The following PDK1 variants were observed in gnomAD, a reference collection of about 807,000 sequenced individuals.
PDK1 encodes the protein [Pyruvate dehydrogenase (acetyl-transferring)] kinase isozyme 1, mitochondrial.
In PDK1, 39 loss-of-function variants were observed where a neutral mutation model predicts 54.2. The observed-to-expected ratio is 0.72, with a 90% CI of 0.56 to 0.94. The LOEUF is 0.94. PDK1 is among the 40% of genes least tolerant of loss of function. The pLI is 0.00. For synonymous variants in PDK1, 221 were observed against 207.1 expected (o/e 1.07, Z -0.58); for missense variants, 552 against 566.0 (o/e 0.98, Z 0.25).
rs1691092210 is a variant in PDK1, at chr2:172,600,859, T to C, written c.*4890T>C. The C allele has an allele frequency of 1.3e-5, 2 of 152,222 alleles. No individual in the cohort carries two copies. Among genetic ancestry groups the C allele is most frequent in the South Asian group, 2.1e-4 (1 of 4,818 alleles). 9.4% of individuals were successfully genotyped at this position (152,222 alleles called of 1,614,324 possible). A position where few individuals can be genotyped will look rare whatever the true frequency, so the allele number is the denominator to read the frequency against. On this transcript the variant is annotated 3_prime_UTR_variant, in exon 11 of 11. Transcript: ENST00000282077. Reference sequence around the variant, plus strand: ...TTCTATGTTGTCTTCGTCCAGCTTATCTGGAAGGGAGAGTTTCTCTGTCTG... The same window carrying C: ...TTCTATGTTGTCTTCGTCCAGCTTACCTGGAAGGGAGAGTTTCTCTGTCTG...
chr2:172,595,821 T>A lies in PDK1; in HGVS notation c.1171-8T>A. 6.2e-7 allele frequency: 1 copy of A among 1,612,800 alleles called. No individual in the cohort carries two copies. The highest frequency in any genetic ancestry group is 8.5e-7 in the Non-Finnish European group (1 of 1,179,102). On this transcript the variant is annotated splice_region_variant and splice_polypyrimidine_tract_variant and intron_variant, in intron 10 of 10. Transcript: ENST00000282077. ...AGACTTAATAGGTCTTAGGTTTTTC[T>A]TTTTCAGGCTCTGTCAACAGACTCA...
At chr2:172,630,736 T>G in the PDK1 span, among the ~76,000 whole-genome samples, 1 of 152,134 alleles carries the variant, frequency 6.6e-6, no homozygotes, top group East Asian at 1.9e-4. Context: ...TTCAAGCAAT[T>G]CTTGTGCCTC....
rs1208375573 is a variant in PDK1, at chr2:172,586,451, C to T, written c.1056+63C>T. 16 of 979,610 alleles carry T rather than the reference C, an allele frequency of 1.6e-5. No homozygotes were observed. The South Asian group carries it at 2.0e-4, about 12-fold the overall frequency. 60.7% of individuals were successfully genotyped at this position (979,610 alleles called of 1,614,324 possible). A position where few individuals can be genotyped will look rare whatever the true frequency, so the allele number is the denominator to read the frequency against. ...ATTGCCTTCCACATGCTGTAGCTGC[C>T]AAATAAGTAAGTTAAGCCGTCATGT... On this transcript the variant is annotated intron_variant, in intron 9 of 10. Coordinates refer to ENST00000282077, the MANE Select transcript of PDK1 (RefSeq NM_002610.5).
chr2:172,668,848 CACACACAT>C, the PDK1 span, among the ~76,000 whole-genome samples: 1 of 146,040 alleles, frequency 6.8e-6, no homozygotes, highest in Non-Finnish European at 1.5e-5. Context: ...TATATACACA[CACACACAT>C]ATATATGTAT....
chr2:172,557,831 A>T (rs1688432945), intron 1 of PDK1, among the ~76,000 whole-genome samples: 1 of 151,926 alleles, frequency 6.6e-6, no homozygotes, highest in Admixed American at 6.6e-5. Flanking sequence ...GGAATCAGTG[A>T]GTCTTCCTAT....
At chr2:172,620,503 C>T in the PDK1 span, among the ~76,000 whole-genome samples, 1 of 152,106 alleles carries the variant, frequency 6.6e-6, no homozygotes, top group Admixed American at 6.5e-5. Flanking sequence ...GAAAATGAGA[C>T]CCGTCATCCT....
the PDK1 span, among the ~76,000 whole-genome samples, chr2:172,668,006 G>T: frequency 6.6e-6 from 1 of 152,154 alleles, no homozygotes; most frequent in Non-Finnish European, 1.5e-5. Context: ...AATAATAAAC[G>T]TTAGGTAATA....
chr2:172,559,069 C>T (rs562536654), intron 2 of PDK1, among the ~76,000 whole-genome samples: 2 of 152,324 alleles, frequency 1.3e-5, no homozygotes, highest in East Asian at 1.9e-4. Context: ...CTGCCTCAGC[C>T]TCCCGAGTAA....
At chr2:172,705,139 T>A in the PDK1 span, among the ~76,000 whole-genome samples, 6 of 152,202 alleles carry the variant, frequency 3.9e-5, no homozygotes, top group African/African-American at 1.4e-4. Context: ...GCGGGCAGAT[T>A]TATCCATATC....
chr2:172,621,690 CAT>C, the PDK1 span, among the ~76,000 whole-genome samples: 335 of 144,962 alleles, frequency 2.3e-3, 3 homozygotes, highest in East Asian at 7.9e-3. Context: ...GTTTATATAT[CAT>C]ATATATGTTT....
chr2:172,585,350 G>T (rs1330310072), intron 8 of PDK1, among the ~76,000 whole-genome samples: 6 of 131,034 alleles, frequency 4.6e-5, no homozygotes, highest in Non-Finnish European at 7.7e-5. Flanking sequence ...TTTTGAGAAG[G>T]AGTCTTGCTC....
chr2:172,564,608 C>T lies in PDK1; in HGVS notation c.516C>T (p.Val172=), dbSNP rs780608398. Residue 172 remains valine (V), a synonymous_variant, in exon 4 of 11, where the codon GTC becomes GTT. Transcript: ENST00000282077. The part of the protein sequence containing the change: ...EYKESFGVDP[V]TSQNVQYFLD... The stretch of plus-strand genomic sequence containing the variant: ...AGGAGAGCTTTGGGGTGGATCCTGT[C>T]ACCAGCCAGAATGTTCAGTACTTTT... 5.0e-6 allele frequency: 8 copies of T among 1,613,966 alleles called. No individual in the cohort carries two copies. Among genetic ancestry groups the T allele is most frequent in the African/African-American group, 2.7e-5 (2 of 74,934 alleles).
At chr2:172,573,509 A>G (rs776059561) in intron 8 of PDK1, among the ~76,000 whole-genome samples, 2 of 151,488 alleles carry the variant, frequency 1.3e-5, no homozygotes, top group African/African-American at 2.4e-5. Flanking sequence ...GTGTGTGTAT[A>G]TATATACACA....
chr2:172,584,886 T>C (rs890342936), intron 8 of PDK1, among the ~76,000 whole-genome samples: 4 of 148,332 alleles, frequency 2.7e-5, no homozygotes, highest in African/African-American at 1.0e-4. Flanking sequence ...CCCAGGCTGG[T>C]CTGGAACTGC....
At chr2:172,617,849 T>C in the PDK1 span, among the ~76,000 whole-genome samples, 11 of 152,238 alleles carry the variant, frequency 7.2e-5, no homozygotes, top group South Asian at 4.1e-4. Context: ...TTTCTATGTA[T>C]ATGCAAACAT....
the PDK1 span, among the ~76,000 whole-genome samples, chr2:172,622,034 C>T: frequency 2.1e-5 from 3 of 141,474 alleles, no homozygotes; most frequent in Non-Finnish European, 4.6e-5. Flanking sequence ...CTCGTATATA[C>T]GTTTATATCT....
At chr2:172,646,189 A>G in the PDK1 span, among the ~76,000 whole-genome samples, 1 of 152,206 alleles carries the variant, frequency 6.6e-6, no homozygotes, top group Non-Finnish European at 1.5e-5. Flanking sequence ...CTTCTTATAT[A>G]TGTCTGTTGA....
At chr2:172,560,896 AT>A (rs1412292981) in intron 2 of PDK1, among the ~76,000 whole-genome samples, 1 of 152,224 alleles carries the variant, frequency 6.6e-6, no homozygotes, top group Non-Finnish European at 1.5e-5. Context: ...TAAGTCTTAA[AT>A]GGAAAAGGTT....
At position 172,597,653 on chromosome 2, in the gene PDK1, C is replaced by T. The variant is rs963210028; in HGVS notation, c.*1684C>T. 1.3e-5 allele frequency: 2 copies of T among 152,166 alleles called. No homozygotes were observed. The highest frequency in any genetic ancestry group is 4.1e-4 in the South Asian group (2 of 4,834). 9.4% of individuals were successfully genotyped at this position (152,166 alleles called of 1,614,324 possible). Reference sequence around the variant, plus strand: ...CTCAGAATTGGAGCAGAGCCTGAGACGTATCTGCAGATCCTGTCATCAGCT... The same window carrying T: ...CTCAGAATTGGAGCAGAGCCTGAGATGTATCTGCAGATCCTGTCATCAGCT... On this transcript the variant is annotated 3_prime_UTR_variant, in exon 11 of 11. Transcript: ENST00000282077.
Sources: allele counts gnomAD v4.1 joint callset (sites outside exome capture counted in the v4.1 genomes callset), GRCh38; gene constraint gnomAD v4.1.1; transcripts MANE v1.5; gene names NCBI Gene and HGNC (gene_info 2026-07-23, HGNC 2026-07-21).